Variants in HSD17B12 observed in about 807,000 individuals in gnomAD.
The protein encoded by HSD17B12 is very-long-chain 3-oxoacyl-CoA reductase.
HSD17B12 carries 32 observed loss-of-function variants against 39.3 expected under a neutral mutation model. The observed-to-expected ratio is 0.81, with a 90% CI of 0.61 to 1.09. The LOEUF (loss-of-function observed/expected upper bound fraction) is 1.09, where lower values mean the gene tolerates loss of function less well. Among genes scored for constraint, HSD17B12 ranks in the 50% least tolerant of loss-of-function variants. The pLI is 0.00. For synonymous variants in HSD17B12, 150 were observed against 146.7 expected, an observed-to-expected ratio of 1.02 and a Z score of -0.16; for missense variants, 342 against 382.9, an observed-to-expected ratio of 0.89 and a Z score of 0.89.
intron 1 of HSD17B12, among the ~76,000 whole-genome samples, chr11:43,690,394 A>ATTTTT (rs1565049772): frequency 1.7e-4 from 4 of 23,558 alleles, no homozygotes; most frequent in Admixed American, 5.2e-4. Flanking sequence ...ATATATATAT[A>ATTTTT]TATATATATA....
intron 1 of HSD17B12, 110 bp from the exon 2 acceptor site, chr11:43,750,801 T>C (rs1950458322): frequency 3.0e-6 from 2 of 666,456 alleles, no homozygotes; most frequent in South Asian, 4.5e-5. Flanking sequence ...TTCTGTCTTT[T>C]ACATCAAAGT....
At chr11:43,617,431 C>G in the HSD17B12 span, among the ~76,000 whole-genome samples, 1 of 152,108 alleles carries the variant, frequency 6.6e-6, no homozygotes, top group East Asian at 1.9e-4. Flanking sequence ...CATGGAGTGT[C>G]TCTAGGATGT....
At chr11:43,714,620 T>A (rs969675075) in intron 1 of HSD17B12, among the ~76,000 whole-genome samples, 3 of 152,174 alleles carry the variant, frequency 2.0e-5, no homozygotes, top group Admixed American at 2.0e-4. Flanking sequence ...CTTTTTTGGT[T>A]CCATATGAAC....
chr11:43,715,994 A>G (rs1302140302), intron 1 of HSD17B12, among the ~76,000 whole-genome samples: 4 of 152,180 alleles, frequency 2.6e-5, no homozygotes. Flanking sequence ...TGCCTGAGGT[A>G]CTATAACATG....
At chr11:43,690,371 T>C (rs1328343980) in intron 1 of HSD17B12, among the ~76,000 whole-genome samples, 19 of 13,862 alleles carry the variant, frequency 1.4e-3, no homozygotes, top group African/African-American at 7.5e-3. Flanking sequence ...CATATATATA[T>C]ATATATATAT....
At chr11:43,625,128 C>T in the HSD17B12 span, among the ~76,000 whole-genome samples, 7 of 151,600 alleles carry the variant, frequency 4.6e-5, no homozygotes, top group Admixed American at 1.3e-4. Context: ...CATGAAATGG[C>T]TGTTTTATGT....
chr11:43,757,659 A>AAAAAAAAC (rs1950521550), intron 3 of HSD17B12, among the ~76,000 whole-genome samples: 2 of 143,884 alleles, frequency 1.4e-5, no homozygotes, highest in Admixed American at 6.9e-5. Flanking sequence ...AAAAAAAAAA[A>AAAAAAAAC]AAAAAAAACA....
At chr11:43,777,606 C>T (rs1281421246) in intron 3 of HSD17B12, among the ~76,000 whole-genome samples, 2 of 152,142 alleles carry the variant, frequency 1.3e-5, no homozygotes, top group Admixed American at 6.5e-5. Context: ...ATTTCCTTCT[C>T]CTGCCTAATT....
the HSD17B12 span, among the ~76,000 whole-genome samples, chr11:43,598,107 G>A: frequency 1.3e-5 from 2 of 152,132 alleles, no homozygotes; most frequent in Admixed American, 6.5e-5. Flanking sequence ...AATGCAGCCA[G>A]GTTATTGTGC....
At chr11:43,701,611 G>A (rs1034456049) in intron 1 of HSD17B12, among the ~76,000 whole-genome samples, 1 of 152,068 alleles carries the variant, frequency 6.6e-6, no homozygotes, top group Non-Finnish European at 1.5e-5. Context: ...TATATTCTTG[G>A]CACCTTTGTT....
intron 3 of HSD17B12, among the ~76,000 whole-genome samples, chr11:43,778,500 C>T (rs1255668853): frequency 2.6e-5 from 4 of 151,548 alleles, no homozygotes; most frequent in Non-Finnish European, 5.9e-5. Context: ...CCAGCATCAT[C>T]CTGATACCAA....
intron 1 of HSD17B12, among the ~76,000 whole-genome samples, chr11:43,730,048 T>TG (rs1565066539): frequency 2.7e-4 from 40 of 150,920 alleles, no homozygotes; most frequent in Non-Finnish European, 4.7e-4. Flanking sequence ...GTGTGTGTGT[T>TG]TTTTTTTTAA....
At chr11:43,627,339 T>C in the HSD17B12 span, among the ~76,000 whole-genome samples, 1 of 152,004 alleles carries the variant, frequency 6.6e-6, no homozygotes, top group Non-Finnish European at 1.5e-5. Context: ...AAAAAATTTC[T>C]AGTGATACCT....
intron 1 of HSD17B12, among the ~76,000 whole-genome samples, chr11:43,731,154 G>A (rs577450978): frequency 6.6e-5 from 10 of 152,086 alleles, no homozygotes; most frequent in Admixed American, 5.9e-4. Context: ...ACACCACCCC[G>A]CCCAGCTGAT....
At chr11:43,654,081 G>A in the HSD17B12 span, among the ~76,000 whole-genome samples, 1 of 151,934 alleles carries the variant, frequency 6.6e-6, no homozygotes, top group Non-Finnish European at 1.5e-5. Flanking sequence ...TTTAATGATT[G>A]CCATTCTAAC....
chr11:43,658,889 G>A, the HSD17B12 span, among the ~76,000 whole-genome samples: 32 of 152,304 alleles, frequency 2.1e-4, no homozygotes, highest in East Asian at 4.3e-3. Flanking sequence ...CTCAAGCTGC[G>A]TGCTGGGAGA....
chr11:43,827,788 C>G (rs1951260128), intron 6 of HSD17B12, among the ~76,000 whole-genome samples: 1 of 151,956 alleles, frequency 6.6e-6, no homozygotes, highest in Non-Finnish European at 1.5e-5. Context: ...TATTTATTTC[C>G]CAGCCAGAAT....
intron 3 of HSD17B12, among the ~76,000 whole-genome samples, chr11:43,783,212 C>A (rs532441225): frequency 4.6e-5 from 7 of 152,242 alleles, no homozygotes; most frequent in African/African-American, 1.7e-4. Flanking sequence ...TAAAAATTGA[C>A]AGGCTCTGAG....
intron 1 of HSD17B12, chr11:43,733,685 A>G (rs971116213): frequency 1.1e-4 from 54 of 487,748 alleles, no homozygotes; most frequent in Non-Finnish European, 1.8e-4. Flanking sequence ...TAACTTTTAA[A>G]AAAAGGGGTT....
Sources: gnomAD v4.1 joint callset for allele counts (sites outside exome capture counted in the v4.1 genomes callset) on GRCh38, gnomAD v4.1.1 for gene constraint, MANE v1.5 for transcripts, NCBI Gene and HGNC (gene_info 2026-07-23, HGNC 2026-07-21) for gene names.